DEFB106A: variants seen among roughly 807,000 people sequenced by gnomAD.
DEFB106A encodes beta-defensin 106.
For synonymous variants in DEFB106A, 1 was observed against 22.5 expected, an observed-to-expected ratio of 0.04 and a Z score of 2.70; for missense variants, 4 against 63.7, an observed-to-expected ratio of 0.06 and a Z score of 3.19.
chr8:7,827,721 T>C (rs894484117), intron 1 of DEFB106A, among the ~76,000 whole-genome samples: 3 of 137,442 alleles, frequency 2.2e-5, no homozygotes, highest in African/African-American at 7.6e-5. Context: ...TTATAGTATA[T>C]ACTAAGCTAT....
intron 1 of DEFB106A, among the ~76,000 whole-genome samples, chr8:7,827,668 AG>A (rs1461718901): frequency 1.5e-5 from 2 of 132,792 alleles, no homozygotes; most frequent in African/African-American, 5.2e-5. Flanking sequence ...ATAATACTAT[AG>A]TATACACTAT....
intron 1 of DEFB106A, among the ~76,000 whole-genome samples, chr8:7,828,197 C>A (rs1817473660): frequency 1.3e-5 from 2 of 150,058 alleles, no homozygotes; most frequent in Admixed American, 1.3e-4. Context: ...CTGGAATTCT[C>A]CGCAAAATGA....
intron 1 of DEFB106A, among the ~76,000 whole-genome samples, chr8:7,826,711 C>T (rs1475083332): frequency 7.7e-5 from 10 of 129,098 alleles, no homozygotes; most frequent in African/African-American, 1.1e-4. Context: ...CTCTGTTCCC[C>T]GGGCTGGAGT....
In DEFB106A at chr8:7,827,270, T is replaced by A. The variant is rs202113651; in HGVS notation, c.50-1535T>A. Among the ~76,000 whole-genome samples the A allele has an allele frequency of 1.3e-4, 4 of 31,636 alleles. No individual in the cohort carries two copies. In the Admixed American group the frequency reaches 1.6e-3, roughly 13 times the overall value. 20.8% of individuals were successfully genotyped at this position (31,636 alleles called of 152,430 possible). A position where few individuals can be genotyped will look rare whatever the true frequency, so the allele number is the denominator to read the frequency against. On this transcript the variant is annotated intron_variant, in intron 1 of 1. Transcript: ENST00000335186. ...TATAGTGTATATACTAGTATAATACTCTAGCATATAGTATAGTGTATATAC... is the reference window on the plus strand; with the variant it reads ...TATAGTGTATATACTAGTATAATACACTAGCATATAGTATAGTGTATATAC...
intron 1 of DEFB106A, among the ~76,000 whole-genome samples, chr8:7,827,108 A>T (rs1251360203): frequency 1.2e-4 from 14 of 120,784 alleles, no homozygotes; most frequent in African/African-American, 3.6e-4. Context: ...CATAGTATAC[A>T]TACTAGTATA....
chr8:7,827,355 G>T (rs1382761173), intron 1 of DEFB106A, among the ~76,000 whole-genome samples: 2 of 125,666 alleles, frequency 1.6e-5, no homozygotes, highest in Non-Finnish European at 3.3e-5. Context: ...CTAGTATATA[G>T]TATAGTGTAT....
intron 1 of DEFB106A, among the ~76,000 whole-genome samples, chr8:7,827,684 C>G (rs1282173666): frequency 7.5e-6 from 1 of 132,970 alleles, no homozygotes; most frequent in East Asian, 2.2e-4. Context: ...CACTATTATA[C>G]CAGTATATAC....
At chr8:7,826,630 T>C (rs1442568750) in intron 1 of DEFB106A, among the ~76,000 whole-genome samples, 24 of 143,972 alleles carry the variant, frequency 1.7e-4, no homozygotes, top group African/African-American at 6.0e-4. Flanking sequence ...ATATACTATA[T>C]AGTATTGTAC....
intron 1 of DEFB106A, among the ~76,000 whole-genome samples, chr8:7,827,399 G>A (rs28434651): frequency 0.24 from 7,897 of 33,278 alleles, 95 homozygotes; most frequent in East Asian, 0.31. Context: ...ATAGTATAGT[G>A]TATATACTAT....
chr8:7,826,461 TTAGA>T (rs1305161403), intron 1 of DEFB106A, among the ~76,000 whole-genome samples: 915 of 147,964 alleles, frequency 6.2e-3, no homozygotes, highest in African/African-American at 0.021. Flanking sequence ...TATATAATTA[TTAGA>T]TAATCTAATA....
chr8:7,827,399 G>GTATAATACTCTAGTATATAGTA (rs1817438425), intron 1 of DEFB106A, among the ~76,000 whole-genome samples: 1 of 41,280 alleles, frequency 2.4e-5, no homozygotes, highest in African/African-American at 7.6e-5. Context: ...ATAGTATAGT[G>GTATAATACTCTAGTATATAGTA]TATATACTAT....
rs1434534143 is a variant in DEFB106A, at chr8:7,827,001, T to C, written c.49+1776T>C. Among the ~76,000 whole-genome samples the C allele has an allele frequency of 1.6e-5, 2 of 124,100 alleles. 1 individual carries two copies. Among genetic ancestry groups the C allele is most frequent in the Non-Finnish European group, 3.5e-5 (2 of 56,922 alleles). 81.4% of individuals were successfully genotyped at this position (124,100 alleles called of 152,430 possible). A position where few individuals can be genotyped will look rare whatever the true frequency, so the allele number is the denominator to read the frequency against. ...TATTATACTAGTATATTATTACTAG[T>C]AGTATTATATACTAGTATGTAATAT... On this transcript the variant is annotated intron_variant, in intron 1 of 1. Transcript: ENST00000335186.
chr8:7,827,164 G>A (rs1335754241), intron 1 of DEFB106A, among the ~76,000 whole-genome samples: 11 of 76,280 alleles, frequency 1.4e-4, no homozygotes, highest in African/African-American at 3.6e-4. Context: ...TAATACACAA[G>A]TATATAGTAT....
intron 1 of DEFB106A, among the ~76,000 whole-genome samples, chr8:7,827,736 T>C (rs1270721499): frequency 7.2e-6 from 1 of 138,276 alleles, no homozygotes; most frequent in Non-Finnish European, 1.6e-5. Flanking sequence ...AGCTATACTA[T>C]GATACTATAC....
chr8:7,827,752 C>G (rs1242297685), intron 1 of DEFB106A, among the ~76,000 whole-genome samples: 5 of 138,056 alleles, frequency 3.6e-5, no homozygotes. Flanking sequence ...TATACTAAAC[C>G]AAAAAGATTT....
Position 7,827,724 on chromosome 8 carries a change from T to A in DEFB106A, c.50-1081T>A, listed in dbSNP as rs1307538656. ...ATACTAGTATTTTTATAGTATATAC[T>A]AAGCTATACTATGATACTATACTAA... On this transcript the variant is annotated intron_variant, in intron 1 of 1. Coordinates refer to ENST00000335186, the MANE Select transcript of DEFB106A (RefSeq NM_152251.4). Among the ~76,000 whole-genome samples, 18 of 137,658 alleles carry A rather than the reference T, an allele frequency of 1.3e-4. 1 individual carries two copies. Among genetic ancestry groups the A allele is most frequent in the African/African-American group, 4.5e-4 (18 of 39,688 alleles). 90.3% of individuals were successfully genotyped at this position (137,658 alleles called of 152,430 possible).
intron 1 of DEFB106A, among the ~76,000 whole-genome samples, chr8:7,826,483 A>G (rs1817400594): frequency 6.7e-6 from 1 of 149,006 alleles, no homozygotes; most frequent in African/African-American, 2.4e-5. Context: ...ATAATTACCT[A>G]TTAGATATAC....
chr8:7,828,077 A>T (rs1443923420), intron 1 of DEFB106A, among the ~76,000 whole-genome samples: 2 of 142,122 alleles, frequency 1.4e-5, no homozygotes, highest in African/African-American at 5.1e-5. Context: ...CATTATATAT[A>T]CACAAATTGG....
At chr8:7,827,649 T>A (rs1325983558) in intron 1 of DEFB106A, among the ~76,000 whole-genome samples, 2 of 130,916 alleles carry the variant, frequency 1.5e-5, no homozygotes, top group Admixed American at 8.0e-5. Flanking sequence ...GTATAGTATA[T>A]ATACTAGTAT....
Sources: gnomAD v4.1 joint callset for allele counts (sites outside exome capture counted in the v4.1 genomes callset) on GRCh38, gnomAD v4.1.1 for gene constraint, MANE v1.5 for transcripts, NCBI Gene and HGNC (gene_info 2026-07-23, HGNC 2026-07-21) for gene names.